The following TP53BP1 variants were observed in gnomAD, a reference collection of about 807,000 sequenced individuals.
The protein encoded by TP53BP1 is TP53-binding protein 1.
TP53BP1 carries 61 observed loss-of-function variants against 200.8 expected under a neutral mutation model. The ratio of observed to expected loss-of-function variants is 0.30; its 90% CI spans 0.25 to 0.38. The LOEUF is 0.38. Among genes scored for constraint, TP53BP1 ranks in the 10% least tolerant of loss-of-function variants. TP53BP1 has a pLI of 1.00. For synonymous variants in TP53BP1, 822 were observed against 844.3 expected (o/e 0.97, Z 0.46); for missense variants, 2,144 against 2,371.9 (o/e 0.90, Z 2.00).
At chr15:43,483,418 CATG>C (rs1198777692) in intron 4 of TP53BP1, among the ~76,000 whole-genome samples, 1 of 152,120 alleles carries the variant, frequency 6.6e-6, no homozygotes, top group Non-Finnish European at 1.5e-5. Flanking sequence ...TTACTTTCCA[CATG>C]ATGTCAACCA....
intron 11 of TP53BP1, among the ~76,000 whole-genome samples, chr15:43,467,644 C>T (rs2046617608): frequency 6.6e-6 from 1 of 152,104 alleles, no homozygotes; most frequent in East Asian, 1.9e-4. Context: ...CATCTCCACC[C>T]CCCCAACCAG....
intron 17 of TP53BP1, among the ~76,000 whole-genome samples, chr15:43,429,539 T>A (rs945466312): frequency 1.5e-5 from 2 of 130,300 alleles, no homozygotes; most frequent in African/African-American, 8.7e-5. Context: ...ATAATGGTAA[T>A]TCTGCATTTT....
chr15:43,507,020 G>A (rs1346247612), intron 1 of TP53BP1, among the ~76,000 whole-genome samples: 3 of 152,204 alleles, frequency 2.0e-5, no homozygotes, highest in Admixed American at 1.3e-4. Flanking sequence ...GAAGATTTGT[G>A]CAACTGGGGC....
chr15:43,405,525 C>A lies in TP53BP1; in HGVS notation c.*1858G>T, dbSNP rs908189840. The A allele has an allele frequency of 5.2e-6, 2 of 381,338 alleles. No homozygotes were observed. Among genetic ancestry groups the A allele is most frequent in the East Asian group, 8.9e-5 (2 of 22,550 alleles). The allele number at this position is 381,338 out of a possible 1,614,324, so 23.6% of individuals were successfully genotyped here. On this transcript the variant is annotated 3_prime_UTR_variant, in exon 28 of 28. Transcript: ENST00000382044. ...ACCTACTACGTACCTTGGTACTGTTCAAGCTGTGGGAGATACAGCGGTAAA... is the reference window on the plus strand; with the variant it reads ...ACCTACTACGTACCTTGGTACTGTTAAAGCTGTGGGAGATACAGCGGTAAA...
intron 4 of TP53BP1, among the ~76,000 whole-genome samples, chr15:43,485,394 G>A (rs2079031498): frequency 6.6e-6 from 1 of 151,672 alleles, no homozygotes; most frequent in Admixed American, 6.6e-5. Flanking sequence ...TGGCTAACAT[G>A]GTGAAACCCC....
intron 4 of TP53BP1, among the ~76,000 whole-genome samples, chr15:43,482,588 G>A (rs1181920004): frequency 6.6e-6 from 1 of 152,128 alleles, no homozygotes; most frequent in Non-Finnish European, 1.5e-5. Flanking sequence ...CGAACAAGGT[G>A]AAACCCTGTC....
chr15:43,434,187 A>C (rs2045737953), intron 16 of TP53BP1, among the ~76,000 whole-genome samples: 1 of 152,172 alleles, frequency 6.6e-6, no homozygotes, highest in South Asian at 2.1e-4. Flanking sequence ...ACCAGGAGAC[A>C]CCTACCATGA....
intron 10 of TP53BP1, among the ~76,000 whole-genome samples, chr15:43,474,100 C>T (rs2046792346): frequency 6.6e-6 from 1 of 152,220 alleles, no homozygotes; most frequent in Non-Finnish European, 1.5e-5. Context: ...CCAGTACACC[C>T]TCCATAGCCG....
In TP53BP1 at chr15:43,432,281, C is replaced by T; in HGVS notation, c.3588G>A (p.Lys1196=). Residue 1196 remains lysine, a synonymous_variant, in exon 17 of 28, where the codon AAG becomes AAA. Transcript: ENST00000382044. ...TCTCAGTCTGAACTGTGGCATCTTG[C>T]TTTCCAAAGTTCTGGTCCACTGTAC... ...GTSTVDQNFG[K]QDATVQTERG... The T allele has an allele frequency of 6.2e-7, 1 of 1,614,204 alleles. No individual in the cohort carries two copies. The highest frequency in any genetic ancestry group is 8.5e-7 in the Non-Finnish European group (1 of 1,180,024).
intron 19 of TP53BP1, chr15:43,421,644 G>C: frequency 1.5e-6 from 1 of 660,328 alleles, no homozygotes; most frequent in Non-Finnish European, 2.5e-6. Flanking sequence ...CTCAGGGGCT[G>C]CTTTGCCAAT....
At position 43,456,322 on chromosome 15, in the gene TP53BP1, G is replaced by A; in HGVS notation, c.2286C>T (p.Val762=). ...GAGATGGCTCTTTCACATCTACAAT[G>A]ACAACACTGGAGTCCTCTGAAGTAG... is the stretch of plus-strand genomic sequence containing the variant. ...EEATSEDSSV[V]IVDVKEPSPR... The change falls in exon 12 of 28, where the codon GTC becomes GTT. Residue 762 remains valine (V), a synonymous_variant. Transcript: ENST00000382044. 6.2e-7 allele frequency: 1 copy of A among 1,614,038 alleles called. No individual in the cohort carries two copies.
upstream of TP53BP1, among the ~76,000 whole-genome samples, chr15:43,497,018 A>G (rs532008253): frequency 1.6e-4 from 24 of 152,338 alleles, no homozygotes; most frequent in African/African-American, 5.3e-4. Context: ...TTCAACCTCC[A>G]TAAATCTAAT....
rs752642871 is a variant in TP53BP1, at chr15:43,470,010, T to C, written c.1237A>G (p.Lys413Glu). Residue 413 changes from lysine (K) to glutamate (E), a missense_variant, in exon 11 of 28, where the codon AAA (lysine) becomes GAA (glutamate). By Grantham distance (56) the Lys-to-Glu change is moderately conservative. This residue lies in a region of TP53BP1 where 1,700 missense variants were observed against 1,710.3 expected (regional missense o/e 0.99). Coordinates refer to ENST00000382044, the MANE Select transcript of TP53BP1 (RefSeq NM_001141980.3). ...SEEGGEPFQK[K>E]LQSGEPVELE... ...TCCACTGGTTCACCACTTTGAAGTT[T>C]CTTCTGAAAAGGCTCTCCTCCTTCT... is the stretch of plus-strand genomic sequence containing the variant. The C allele has an allele frequency of 6.2e-7, 1 of 1,613,802 alleles. No homozygotes were observed. Among genetic ancestry groups the C allele is most frequent in the South Asian group, 1.1e-5 (1 of 91,064 alleles).
At chr15:43,441,677 C>CA (rs1372773879) in intron 14 of TP53BP1, 94 bp from the exon 15 acceptor site, 5 of 723,396 alleles carry the variant, frequency 6.9e-6, no homozygotes, top group Non-Finnish European at 9.8e-6. Context: ...CTAGTATTTG[C>CA]AAAAAATAAC....
chr15:43,474,260 C>G (rs2046798922), intron 10 of TP53BP1, among the ~76,000 whole-genome samples: 1 of 152,194 alleles, frequency 6.6e-6, no homozygotes, highest in Non-Finnish European at 1.5e-5. Flanking sequence ...TCGCACCTCT[C>G]CCTGCACGCC....
At chr15:43,473,218 G>T (rs1465833582) in intron 10 of TP53BP1, among the ~76,000 whole-genome samples, 2 of 152,128 alleles carry the variant, frequency 1.3e-5, no homozygotes, top group African/African-American at 4.8e-5. Flanking sequence ...TGCAAAGAGT[G>T]AAAGAACAAA....
chr15:43,407,448 T>C lies in TP53BP1; in HGVS notation c.5869A>G (p.Ile1957Val). The stretch of plus-strand genomic sequence containing the variant: ...TTGAATCCAATTCTCTCCCCAACAA[T>C]GAGGCACTGGATCACCCACTCTTGT... ...VSQEWVIQCL[I>V]VGERIGFKQH... Residue 1957 changes from isoleucine (I) to valine (V), a missense_variant, in exon 28 of 28, where the codon ATT (isoleucine) becomes GTT (valine). Around this residue, in one of 4 missense-constraint regions of TP53BP1, gnomAD observed 334 missense variants for 453.4 expected, o/e 0.74. Transcript: ENST00000382044. 6.2e-7 allele frequency: 1 copy of C among 1,614,178 alleles called. No homozygotes were observed. The highest frequency in any genetic ancestry group is 1.1e-5 in the South Asian group (1 of 91,074).
chr15:43,427,177 C>T (rs999903891), intron 18 of TP53BP1, among the ~76,000 whole-genome samples: 4 of 152,066 alleles, frequency 2.6e-5, no homozygotes, highest in Non-Finnish European at 5.9e-5. Flanking sequence ...GCATAGTATG[C>T]CATTCAAGAT....
intron 21 of TP53BP1, 57 bp from the exon 22 acceptor site, chr15:43,416,473 T>TCTC: frequency 5.2e-6 from 8 of 1,537,166 alleles, no homozygotes; most frequent in Non-Finnish European, 7.1e-6. Flanking sequence ...CTTAGCACCC[T>TCTC]CTCACAAGGG....
Sources: allele counts gnomAD v4.1 joint callset (sites outside exome capture counted in the v4.1 genomes callset), GRCh38; gene constraint gnomAD v4.1.1; regional missense constraint gnomAD v4.1.1; transcripts MANE v1.5; gene names NCBI Gene and HGNC (gene_info 2026-07-23, HGNC 2026-07-21).